DPPA2: variants seen among roughly 807,000 people sequenced by gnomAD.
DPPA2 encodes the protein developmental pluripotency associated 2, also known as developmental pluripotency-associated protein 2.
In DPPA2, 26 loss-of-function variants were observed where a neutral mutation model predicts 36.2. The observed-to-expected ratio is 0.72, with a 90% confidence interval of 0.53 to 1.00. The LOEUF (loss-of-function observed/expected upper bound fraction) is 1.00. Among genes scored for constraint, DPPA2 ranks in the 50% least tolerant of loss-of-function variants. The probability of loss-of-function intolerance (pLI) is 0.00; values close to 1 mark genes in which losing one functional copy is unlikely to be tolerated. For synonymous variants in DPPA2, 113 were observed against 123.2 expected (o/e 0.92, Z 0.55); for missense variants, 361 against 365.1 (o/e 0.99, Z 0.09).
At chr3:109,312,385 C>CGA (rs1707726278) in intron 3 of DPPA2, among the ~76,000 whole-genome samples, 160 bp downstream of exon 3, 1 of 152,036 alleles carries the variant, frequency 6.6e-6, no homozygotes, top group African/African-American at 2.4e-5. Context: ...GCTTAGCAAG[C>CGA]GAGAAGTATG....
rs1475818756 is a variant in DPPA2, at chr3:109,312,631, T to G, written c.95A>C (p.Lys32Thr). 4.3e-6 allele frequency: 7 copies of G among 1,613,992 alleles called. No homozygotes were observed. The highest frequency in any genetic ancestry group is 5.1e-6 in the Non-Finnish European group (6 of 1,179,922). The change falls in exon 3 of 9, where the codon AAA (lysine) becomes ACA (threonine). Residue 32 changes from lysine to threonine, a missense_variant. By Grantham distance (78) the Lys-to-Thr change is moderately conservative. Transcript: ENST00000478945. ...CATTTGTTCCATATTTGCGTCATCT[T>G]TAACTGGCACCAGTGTCAAAATCAC... is the stretch of plus-strand genomic sequence containing the variant. Reference protein sequence around the residue: ...ESVILTLVPVKDDANMEQMEP... With the variant: ...ESVILTLVPVTDDANMEQMEP...
chr3:109,303,396 G>A (rs1175850000), intron 7 of DPPA2, among the ~76,000 whole-genome samples: 1 of 147,312 alleles, frequency 6.8e-6, no homozygotes, highest in Admixed American at 6.7e-5. Context: ...TTGAGACGGA[G>A]TTTCACTCTT....
At position 109,308,052 on chromosome 3, in the gene DPPA2, G is replaced by A; in HGVS notation, c.638C>T (p.Ala213Val). Residue 213 changes from alanine (A) to valine (V), a missense_variant, in exon 6 of 9, where the codon GCC becomes GTC. Coordinates refer to ENST00000478945, the MANE Select transcript of DPPA2 (RefSeq NM_138815.4). ...CTTACCAGAGGCTTGCATCAAAAAG[G>A]CCTCAACAGAAACAGGAATGGAACA... ...NSCSIPVSVE[A>V]FLMQASGVRW... 1 of 1,614,160 alleles carries A rather than the reference G, an allele frequency of 6.2e-7. No individual in the cohort carries two copies. The highest frequency in any genetic ancestry group is 1.1e-5 in the South Asian group (1 of 91,082).
At chr3:109,297,437 T>C (rs1298264308) in intron 8 of DPPA2, among the ~76,000 whole-genome samples, 2 of 151,376 alleles carry the variant, frequency 1.3e-5, no homozygotes, top group Non-Finnish European at 2.9e-5. Flanking sequence ...GGCAGGATAA[T>C]CACTTGAACC....
intron 6 of DPPA2, 110 bp downstream of exon 6, chr3:109,307,922 T>C: frequency 7.3e-7 from 1 of 1,362,962 alleles, no homozygotes; most frequent in Non-Finnish European, 9.8e-7. Flanking sequence ...CAATTTCTAA[T>C]CTTCAGATAT....
chr3:109,299,498 C>T (rs1371800915), intron 8 of DPPA2, among the ~76,000 whole-genome samples: 2 of 151,524 alleles, frequency 1.3e-5, no homozygotes, highest in African/African-American at 2.4e-5. Flanking sequence ...GCCTGGGCAA[C>T]AGAGTGAGAC....
chr3:109,298,713 C>T (rs570127463), intron 8 of DPPA2, among the ~76,000 whole-genome samples: 938 of 81,516 alleles, frequency 0.012, 7 homozygotes, highest in Middle Eastern at 0.017. Context: ...ATGATTCTGT[C>T]TAAAAATAAT....
intron 8 of DPPA2, among the ~76,000 whole-genome samples, chr3:109,299,169 C>T: frequency 6.7e-6 from 1 of 149,566 alleles, no homozygotes. Context: ...ATCAGCCTGG[C>T]CAAAATGGTG....
chr3:109,309,357 T>C (rs1413627296), intron 3 of DPPA2, 27 bp from the exon 4 acceptor site: 1 of 1,610,760 alleles, frequency 6.2e-7, no homozygotes, highest in South Asian at 1.1e-5. Context: ...ACCAAAGTAG[T>C]AATAATTTAA....
rs574033490 is a variant in DPPA2 at position 109,310,587 on chromosome 3, C to G, written c.182-1257G>C. 2.1e-3 allele frequency among the ~76,000 whole-genome samples: 318 copies of G among 151,288 alleles called. 1 individual carries two copies. Among genetic ancestry groups the G allele is most frequent in the African/African-American group, 7.3e-3 (303 of 41,314 alleles). On this transcript the variant is annotated intron_variant, in intron 3 of 8. Transcript: ENST00000478945. ...GTGGCGCGATCTCAGCTCACTGCAA[C>G]CTCCGCCTCCTAGGTTCAAGCAATT...
In DPPA2 at chr3:109,308,097, T is replaced by C. The variant is rs759015679; in HGVS notation, c.593A>G (p.Gln198Arg). The C allele has an allele frequency of 9.9e-6, 16 of 1,614,134 alleles. No individual in the cohort carries two copies. The highest frequency in any genetic ancestry group is 1.6e-4 in the Middle Eastern group (1 of 6,084). ...SWARIAARAV[Q>R]PKALNSCSIP... ...GGAACATGAATTCAAAGCCTTAGGC[T>C]GAACAGCTCTTGCAGCAATTCTTGC... The change falls in exon 6 of 9, where the codon CAG (glutamine) becomes CGG (arginine). Residue 198 changes from glutamine (Q) to arginine (R), a missense_variant. By Grantham distance (43) the Gln-to-Arg change is conservative (BLOSUM62 1). Coordinates refer to ENST00000478945, the MANE Select transcript of DPPA2 (RefSeq NM_138815.4).
intron 3 of DPPA2, among the ~76,000 whole-genome samples, chr3:109,310,049 C>G (rs1299376754): frequency 4.0e-5 from 6 of 151,312 alleles, no homozygotes; most frequent in Non-Finnish European, 7.4e-5. Context: ...ATGGAGGAAC[C>G]CTGTCTCTAC....
At chr3:109,306,859 G>T (rs1707575647) in intron 6 of DPPA2, among the ~76,000 whole-genome samples, 1 of 151,714 alleles carries the variant, frequency 6.6e-6, no homozygotes, top group South Asian at 2.1e-4. Context: ...TGTAATCCCA[G>T]CTACTCGGGA....
rs1157473633 is a variant in DPPA2, at chr3:109,312,548, G to C, written c.178C>G (p.Pro60Ala). 1 of 1,612,750 alleles carries C rather than the reference G, an allele frequency of 6.2e-7. No individual in the cohort carries two copies. The highest frequency in any genetic ancestry group is 8.5e-7 in the Non-Finnish European group (1 of 1,179,224). ...TGAGCAATCCCTGTCCTCATACCTG[G>C]ATTGTATTTCTTAGGCTTCTCCAGT... ...VKLEKPKKYN[P>A]GHLLQTNEQF... Residue 60 changes from proline (P) to alanine (A), a missense_variant, in exon 3 of 9, where the codon CCA becomes GCA. Coordinates refer to ENST00000478945, the MANE Select transcript of DPPA2 (RefSeq NM_138815.4).
Position 109,308,026 on chromosome 3 carries a change from T to G in DPPA2, c.658+6A>C. 1 of 1,613,170 alleles carries G rather than the reference T, an allele frequency of 6.2e-7. No individual in the cohort carries two copies. The highest frequency in any genetic ancestry group is 8.5e-7 in the Non-Finnish European group (1 of 1,179,232). The stretch of plus-strand genomic sequence containing the variant: ...AGTGGGACTCACACTTTAAGGTTGA[T>G]CTTACCAGAGGCTTGCATCAAAAAG... On this transcript the variant is annotated splice_donor_region_variant and intron_variant, in intron 6 of 8. Coordinates refer to ENST00000478945, the MANE Select transcript of DPPA2 (RefSeq NM_138815.4).
chr3:109,300,734 ATTGT>A (rs10575889), intron 7 of DPPA2, among the ~76,000 whole-genome samples: 43,188 of 149,866 alleles, frequency 0.29, 6,746 homozygotes, highest in African/African-American at 0.39. Context: ...AGACCGGATA[ATTGT>A]TTGAGTATGG....
rs779716407 is a variant in DPPA2, at chr3:109,312,544, C to A, written c.181+1G>T. On this transcript the variant is annotated splice_donor_variant, in intron 3 of 8. Transcript: ENST00000478945. LOFTEE classifies it high-confidence loss of function. ...TAACTGAGCAATCCCTGTCCTCATACCTGGATTGTATTTCTTAGGCTTCTC... is the reference window on the plus strand; with the variant it reads ...TAACTGAGCAATCCCTGTCCTCATAACTGGATTGTATTTCTTAGGCTTCTC... 1.9e-6 allele frequency: 3 copies of A among 1,612,142 alleles called. No individual in the cohort carries two copies. The Admixed American group carries it at 5.0e-5, about 27-fold the overall frequency.
At chr3:109,303,460 TC>T (rs1707495057) in intron 7 of DPPA2, among the ~76,000 whole-genome samples, 1 of 151,418 alleles carries the variant, frequency 6.6e-6, no homozygotes, top group Non-Finnish European at 1.5e-5. Context: ...AACCTCTGCC[TC>T]CCGGGTTCAG....
chr3:109,314,836 G>A (rs118133219), intron 1 of DPPA2, among the ~76,000 whole-genome samples: 2 of 152,140 alleles, frequency 1.3e-5, no homozygotes, highest in Admixed American at 6.5e-5. Flanking sequence ...GCCCAGGGGG[G>A]GCGGATCGAT....
Sources: allele counts gnomAD v4.1 joint callset (sites outside exome capture counted in the v4.1 genomes callset), GRCh38; gene constraint gnomAD v4.1.1; transcripts MANE v1.5; gene names NCBI Gene and HGNC (gene_info 2026-07-23, HGNC 2026-07-21).